The following NOP14 variants were observed in gnomAD, a reference collection of about 807,000 sequenced individuals.
NOP14 encodes NOP14 nucleolar protein.
NOP14 carries 57 observed loss-of-function variants against 101.6 expected under a neutral mutation model. That is an observed-to-expected ratio of 0.56 (90% CI 0.45 to 0.70). NOP14 has a LOEUF of 0.70. Ranked by LOEUF, NOP14 falls within the 30% of genes least tolerant of loss-of-function variation. NOP14 has a pLI of 0.00. For synonymous variants in NOP14, 428 were observed against 424.0 expected, an observed-to-expected ratio of 1.01 and a Z score of -0.12; for missense variants, 1,134 against 1,075.5, an observed-to-expected ratio of 1.05 and a Z score of -0.76.
At chr4:2,956,622 C>T (rs766450279) in intron 3 of NOP14, 48 bp downstream of exon 3, 11 of 1,564,962 alleles carry the variant, frequency 7.0e-6, no homozygotes, top group Non-Finnish European at 8.6e-6. Context: ...TGAACAGACT[C>T]TCCCTGACTC....
At position 2,941,668 on chromosome 4, in the gene NOP14, G is replaced by A; in HGVS notation, c.2113C>T (p.Leu705=). 6.2e-7 allele frequency: 1 copy of A among 1,613,426 alleles called. No individual in the cohort carries two copies. The highest frequency in any genetic ancestry group is 8.5e-7 in the Non-Finnish European group (1 of 1,179,910). ...CCCATGATGGCGTGGAAGGATGGCA[G>A]GGACCCGTACATGAGCACGCAGCGC... ...LKRCVLMYGS[L]PSFHAIMGPL... is the part of the protein sequence containing the mutation. Residue 705 remains leucine, a synonymous_variant, in exon 15 of 18, where the codon CTG becomes TTG. Transcript: ENST00000416614.
At chr4:2,961,609 T>C (rs991235741) in intron 1 of NOP14, 5 of 152,294 alleles carry the variant, frequency 3.3e-5, no homozygotes, top group African/African-American at 1.2e-4. Flanking sequence ...CAGACAGCTG[T>C]GAGTGCCACA....
At chr4:2,946,930 G>A in intron 10 of NOP14, 2 of 260,270 alleles carry the variant, frequency 7.7e-6, no homozygotes, top group East Asian at 1.1e-4. Context: ...GCTCCGCGCG[G>A]CACAGGGCAG....
Position 2,939,784 on chromosome 4 carries a change from C to T in NOP14, c.2200-139G>A, listed in dbSNP as rs776892747. ...GCAGCAGGATGGTGCCCTTGCTGTG[C>T]GCCTACCGGTGGGCGGGGGGGTAAG... is the stretch of plus-strand genomic sequence containing the variant. On this transcript the variant is annotated intron_variant, in intron 15 of 17. Coordinates refer to ENST00000416614, the MANE Select transcript of NOP14 (RefSeq NM_001291978.2). 9.7e-5 allele frequency: 71 copies of T among 732,442 alleles called. 1 individual carries two copies. The highest frequency in any genetic ancestry group is 1.2e-4 in the Non-Finnish European group (50 of 407,612). 45.4% of individuals were successfully genotyped at this position (732,442 alleles called of 1,614,324 possible). A position where few individuals can be genotyped will look rare whatever the true frequency, so the allele number is the denominator to read the frequency against.
rs1716310686 is a variant in NOP14, at chr4:2,963,334, T to C, written c.-15A>G. On this transcript the variant is annotated 5_prime_UTR_variant, in exon 1 of 18. Coordinates refer to ENST00000416614, the MANE Select transcript of NOP14 (RefSeq NM_001291978.2). ...GCCTTCGCCATGGCGCGCGCCCCGC[T>C]GCGCCCAAGGGCCCGAGACCCGAAG... 2 of 1,558,788 alleles carry C rather than the reference T, an allele frequency of 1.3e-6. No individual in the cohort carries two copies. Among genetic ancestry groups the C allele is most frequent in the African/African-American group, 1.4e-5 (1 of 70,926 alleles).
intron 17 of NOP14, 82 bp downstream of exon 17, chr4:2,939,106 G>A (rs1713922960): frequency 3.2e-6 from 5 of 1,574,256 alleles, no homozygotes; most frequent in East Asian, 2.2e-5. Context: ...GGGATGCCAG[G>A]TGCCCGGTGC....
chr4:2,942,511 G>C (rs1224185124), intron 13 of NOP14, among the ~76,000 whole-genome samples, 160 bp from the exon 14 acceptor site: 1 of 152,222 alleles, frequency 6.6e-6, no homozygotes, highest in East Asian at 1.9e-4. Flanking sequence ...GCGTGGGCAG[G>C]GACACCTCAG....
chr4:2,942,199 G>T lies in NOP14; in HGVS notation c.2044C>A (p.His682Asn). 1 of 1,613,968 alleles carries T rather than the reference G, an allele frequency of 6.2e-7. No individual in the cohort carries two copies. The highest frequency in any genetic ancestry group is 8.5e-7 in the Non-Finnish European group (1 of 1,179,914). The change falls in exon 14 of 18, where the codon CAC (histidine) becomes AAC (asparagine). Residue 682 changes from histidine (H) to asparagine (N), a missense_variant. By Grantham distance (68) the His-to-Asn change is moderately conservative. Transcript: ENST00000416614. Reference sequence around the variant, plus strand: ...CGGGGTCCCCTCACATACCGGATGTGATTGGCCTCTGTCGAAGTTGGGGCC... The same window carrying T: ...CGGGGTCCCCTCACATACCGGATGTTATTGGCCTCTGTCGAAGTTGGGGCC... ...LRAPTSTEANHIRLSCLAVGL... is the reference protein window; with the variant it reads ...LRAPTSTEANNIRLSCLAVGL...
Position 2,951,214 on chromosome 4 carries a change from T to A in NOP14, c.902A>T (p.Asp301Val), listed in dbSNP as rs557600846. 1.1e-5 allele frequency: 17 copies of A among 1,613,954 alleles called. No homozygotes were observed. In the African/African-American group the frequency reaches 1.9e-4, roughly 18 times the overall value. The change falls in exon 7 of 18, where the codon GAT becomes GTT. Residue 301 changes from aspartate to valine, a missense_variant. Transcript: ENST00000416614. Reference sequence around the variant, plus strand: ...TGGTTTCTTAACATTTTCATCCTCATCCTTTCCAAGCATTCTTCGAAGTCT... The same window carrying A: ...TGGTTTCTTAACATTTTCATCCTCAACCTTTCCAAGCATTCTTCGAAGTCT... Reference protein sequence around the residue: ...AERLRRMLGKDEDENVKKPKH... With the variant: ...AERLRRMLGKVEDENVKKPKH...
At chr4:2,959,308 T>C (rs1715544032) in intron 1 of NOP14, among the ~76,000 whole-genome samples, 1 of 152,140 alleles carries the variant, frequency 6.6e-6, no homozygotes, top group Admixed American at 6.6e-5. Flanking sequence ...AAAACACCTT[T>C]GGGGCCGGGC....
intron 10 of NOP14, 195 bp downstream of exon 10, chr4:2,947,331 C>T: frequency 1.7e-6 from 1 of 591,710 alleles, no homozygotes; most frequent in East Asian, 2.9e-5. Context: ...TCTACAGTGG[C>T]TGGAGCGGCA....
At chr4:2,960,348 T>G (rs1577854328) in intron 1 of NOP14, among the ~76,000 whole-genome samples, 1 of 152,032 alleles carries the variant, frequency 6.6e-6, no homozygotes, top group East Asian at 1.9e-4. Flanking sequence ...AGGGGGTAGA[T>G]GGGGCAGGCA....
intron 6 of NOP14, among the ~76,000 whole-genome samples, chr4:2,951,476 TCC>T (rs1280942775): frequency 3.9e-5 from 6 of 152,078 alleles, no homozygotes; most frequent in Admixed American, 3.9e-4. Context: ...GCCAATACTC[TCC>T]AGTCACCAGG....
chr4:2,938,326 G>T lies in NOP14; in HGVS notation c.*505C>A, dbSNP rs748735603. ...ACCTGAGGTCGGGAATTCGAGACCA[G>T]CCTGACCAACATGGAGAAACCCCGT... On this transcript the variant is annotated 3_prime_UTR_variant, in exon 18 of 18. Transcript: ENST00000416614. The T allele has an allele frequency of 5.5e-6, 4 of 731,112 alleles. No homozygotes were observed. The highest frequency in any genetic ancestry group is 8.3e-6 in the Non-Finnish European group (4 of 484,226). The allele number at this position is 731,112 out of a possible 1,614,324, so 45.3% of individuals were successfully genotyped here. A position where few individuals can be genotyped will look rare whatever the true frequency, so the allele number is the denominator to read the frequency against.
Position 2,938,773 on chromosome 4 carries a change from G to A in NOP14, c.*58C>T, listed in dbSNP as rs1446298702. ...TCTTCCTGCCTTGGCCTCCCAGAGGGTTGGAATTGCAGATGTGAGGTAATG... is the reference window on the plus strand; with the variant it reads ...TCTTCCTGCCTTGGCCTCCCAGAGGATTGGAATTGCAGATGTGAGGTAATG... On this transcript the variant is annotated 3_prime_UTR_variant, in exon 18 of 18. Transcript: ENST00000416614. 5 of 1,427,016 alleles carry A rather than the reference G, an allele frequency of 3.5e-6. No individual in the cohort carries two copies. Among genetic ancestry groups the A allele is most frequent in the Admixed American group, 1.7e-5 (1 of 57,880 alleles). The allele number at this position is 1,427,016 out of a possible 1,614,324, so 88.4% of individuals were successfully genotyped here. A position where few individuals can be genotyped will look rare whatever the true frequency, so the allele number is the denominator to read the frequency against.
intron 11 of NOP14, among the ~76,000 whole-genome samples, chr4:2,945,643 C>G (rs192546231): frequency 6.6e-6 from 1 of 152,358 alleles, no homozygotes; most frequent in Admixed American, 6.5e-5. Context: ...GAAAATACAG[C>G]ATGAGGCTGT....
At chr4:2,960,733 T>TATTAATATATTAATATTATAATTAC (rs1560310569) in intron 1 of NOP14, among the ~76,000 whole-genome samples, 13 of 110,882 alleles carry the variant, frequency 1.2e-4, no homozygotes, top group African/African-American at 4.6e-4. Context: ...ATCACATTAA[T>TATTAATATATTAATATTATAATTAC]ATTAATATAT....
At chr4:2,945,048 C>T (rs1714513614) in intron 12 of NOP14, 80 bp downstream of exon 12, 2 of 977,064 alleles carry the variant, frequency 2.0e-6, no homozygotes, top group Middle Eastern at 2.6e-4. Context: ...CACTCATGTT[C>T]CACAAGGCCC....
At chr4:2,960,752 T>TAATCACATTAATATATTAATATTAC (rs1560310709) in intron 1 of NOP14, among the ~76,000 whole-genome samples, 2 of 134,848 alleles carry the variant, frequency 1.5e-5, no homozygotes, top group African/African-American at 3.0e-5. Context: ...ATTAATATTA[T>TAATCACATTAATATATTAATATTAC]AATCACATTA....
Sources: gnomAD v4.1 joint callset for allele counts (sites outside exome capture counted in the v4.1 genomes callset) on GRCh38, gnomAD v4.1.1 for gene constraint, MANE v1.5 for transcripts, NCBI Gene and HGNC (gene_info 2026-07-23, HGNC 2026-07-21) for gene names.